The following CSMD1 variants were observed in gnomAD, a reference collection of about 807,000 sequenced individuals.
CSMD1 encodes the protein CUB and Sushi multiple domains 1, also known as CUB and sushi domain-containing protein 1.
In CSMD1, 213 loss-of-function variants were observed where a neutral mutation model predicts 417.5. That is an observed-to-expected ratio of 0.51 (90% confidence interval 0.46 to 0.57). The LOEUF (loss-of-function observed/expected upper bound fraction) is 0.57. CSMD1 is among the 20% of genes least tolerant of loss of function. The probability of loss-of-function intolerance (pLI) is 0.00; values close to 1 mark genes in which losing one functional copy is unlikely to be tolerated. For missense variants in CSMD1, 6,923 were observed against 4,529.7 expected (o/e 1.53, Z -15.17); for synonymous variants, 2,862 against 1,736.8 (o/e 1.65, Z -16.11).
At chr8:3,563,286 C>G (rs1469740049) in intron 10 of CSMD1, among the ~76,000 whole-genome samples, 1 of 151,810 alleles carries the variant, frequency 6.6e-6, no homozygotes, top group East Asian at 1.9e-4. Context: ...TCCCAGTTAT[C>G]TAAAAGTGTG....
chr8:4,586,503 G>C (rs555778089), intron 2 of CSMD1, among the ~76,000 whole-genome samples: 92 of 152,216 alleles, frequency 6.0e-4, no homozygotes, highest in Admixed American at 9.2e-4. Flanking sequence ...AGTTCCTTCT[G>C]GATGAGCCAC....
At chr8:3,774,798 C>G (rs1396883963) in intron 5 of CSMD1, among the ~76,000 whole-genome samples, 2 of 152,274 alleles carry the variant, frequency 1.3e-5, no homozygotes, top group African/African-American at 4.8e-5. Context: ...CGTTTTTAAG[C>G]CATGACTGTG....
At chr8:3,538,971 T>C (rs1460998745) in intron 10 of CSMD1, among the ~76,000 whole-genome samples, 1 of 152,180 alleles carries the variant, frequency 6.6e-6, no homozygotes, top group Admixed American at 6.5e-5. Flanking sequence ...ATCTCCCTTC[T>C]AGAAATCCTG....
intron 1 of CSMD1, among the ~76,000 whole-genome samples, chr8:4,862,766 G>T (rs781159741): frequency 3.0e-4 from 45 of 152,048 alleles, no homozygotes; most frequent in Non-Finnish European, 5.0e-4. Flanking sequence ...ACTTGGAAAA[G>T]GTTCTTGGAA....
At chr8:3,954,764 G>A (rs909670916) in intron 5 of CSMD1, among the ~76,000 whole-genome samples, 1 of 151,734 alleles carries the variant, frequency 6.6e-6, no homozygotes, top group Non-Finnish European at 1.5e-5. Context: ...AACTGAGCAT[G>A]CGTAATGTGG....
At chr8:3,484,394 G>C (rs1033290240) in intron 11 of CSMD1, among the ~76,000 whole-genome samples, 1 of 152,148 alleles carries the variant, frequency 6.6e-6, no homozygotes, top group African/African-American at 2.4e-5. Context: ...CAGGCAAACC[G>C]TGAACCTCAA....
intron 3 of CSMD1, among the ~76,000 whole-genome samples, chr8:4,083,353 C>A (rs1032713196): frequency 6.6e-6 from 1 of 152,084 alleles, no homozygotes; most frequent in Non-Finnish European, 1.5e-5. Flanking sequence ...ATTTGCATTT[C>A]TCTGATGGCC....
intron 2 of CSMD1, among the ~76,000 whole-genome samples, chr8:4,426,691 T>C (rs12542991): frequency 0.34 from 49,139 of 146,492 alleles, 9,358 homozygotes; most frequent in Non-Finnish European, 0.44. Flanking sequence ...ATAGTAATAT[T>C]TTTATTATAT....
chr8:4,460,411 C>T (rs777192655), intron 2 of CSMD1, among the ~76,000 whole-genome samples: 9 of 152,058 alleles, frequency 5.9e-5, no homozygotes, highest in Non-Finnish European at 1.3e-4. Context: ...GCCTCACCTT[C>T]CACCTCACTG....
chr8:4,124,695 G>A (rs569868709), intron 3 of CSMD1, among the ~76,000 whole-genome samples: 1 of 152,242 alleles, frequency 6.6e-6, no homozygotes, highest in Admixed American at 6.5e-5. Flanking sequence ...AGGTCAATAG[G>A]GACTTCCCTA....
At chr8:4,583,306 G>T (rs1056946690) in intron 2 of CSMD1, among the ~76,000 whole-genome samples, 1 of 152,212 alleles carries the variant, frequency 6.6e-6, no homozygotes, top group Admixed American at 6.5e-5. Context: ...GTCTGGTGGG[G>T]CCTTGGAGAA....
At chr8:4,761,899 CTATCTATCTATCAAT>C (rs1812121308) in intron 1 of CSMD1, among the ~76,000 whole-genome samples, 14 of 80,166 alleles carry the variant, frequency 1.7e-4, no homozygotes, top group African/African-American at 5.6e-4. Context: ...ACCTACCTAT[CTATCTATCTATCAAT>C]CTATCTATCT....
At chr8:3,379,154 C>T (rs1810484805) in intron 18 of CSMD1, among the ~76,000 whole-genome samples, 1 of 151,974 alleles carries the variant, frequency 6.6e-6, no homozygotes, top group South Asian at 2.1e-4. Flanking sequence ...ACAATTGCTA[C>T]AAAGAGAATA....
chr8:3,026,828 A>C (rs945931043), intron 51 of CSMD1, among the ~76,000 whole-genome samples: 2 of 152,128 alleles, frequency 1.3e-5, no homozygotes, highest in African/African-American at 4.8e-5. Context: ...TTTTATGAAA[A>C]CCCCTGAGAA....
At chr8:4,364,473 C>A (rs1005917871) in intron 3 of CSMD1, among the ~76,000 whole-genome samples, 1 of 152,084 alleles carries the variant, frequency 6.6e-6, no homozygotes, top group African/African-American at 2.4e-5. Context: ...TTTAGTAATA[C>A]AATTTCCTCT....
chr8:4,425,853 T>C (rs893190135), intron 2 of CSMD1, among the ~76,000 whole-genome samples: 20 of 152,102 alleles, frequency 1.3e-4, no homozygotes, highest in African/African-American at 4.3e-4. Context: ...ATATGCAACG[T>C]TACTGATAAA....
chr8:4,703,106 A>G (rs1807689356), intron 1 of CSMD1, among the ~76,000 whole-genome samples: 3 of 152,218 alleles, frequency 2.0e-5, no homozygotes, highest in Admixed American at 6.5e-5. Context: ...GTAATGTGGC[A>G]TATTATATAA....
intron 5 of CSMD1, among the ~76,000 whole-genome samples, chr8:3,880,181 T>C (rs899433939): frequency 2.0e-5 from 3 of 152,162 alleles, no homozygotes; most frequent in Non-Finnish European, 1.5e-5. Flanking sequence ...GATTCAAGAA[T>C]AGCCAAGAGG....
intron 3 of CSMD1, among the ~76,000 whole-genome samples, chr8:4,099,103 T>C (rs1318938307): frequency 1.3e-5 from 2 of 152,088 alleles, no homozygotes; most frequent in Admixed American, 6.6e-5. Context: ...GTTTTTTTCT[T>C]TTTTTGTCCA....
Sources: allele counts gnomAD v4.1 joint callset (sites outside exome capture counted in the v4.1 genomes callset), GRCh38; gene constraint gnomAD v4.1.1; transcripts MANE v1.5; gene names NCBI Gene and HGNC (gene_info 2026-07-23, HGNC 2026-07-21).